ATP9A: variants seen among roughly 807,000 people sequenced by gnomAD.
The protein encoded by ATP9A is ATPase phospholipid transporting 9A.
A neutral mutation model predicts 144.1 loss-of-function variants in ATP9A; 52 were observed. That is an observed-to-expected ratio of 0.36 (90% CI 0.29 to 0.45). The LOEUF (loss-of-function observed/expected upper bound fraction) is 0.45. Ranked by LOEUF, ATP9A falls within the 20% of genes least tolerant of loss-of-function variation. The pLI is 1.00. For missense variants in ATP9A, 947 were observed against 1,392.7 expected (o/e 0.68, Z 5.09); for synonymous variants, 582 against 557.4 (o/e 1.04, Z -0.62).
intron 15 of ATP9A, 142 bp downstream of exon 15, chr20:51,639,201 T>TG: frequency 1.1e-6 from 1 of 940,174 alleles, no homozygotes; most frequent in South Asian, 1.9e-5. Context: ...ATTTCCTTTC[T>TG]GCTTAGGGAA....
intron 14 of ATP9A, 27 bp downstream of exon 14, chr20:51,656,911 T>C (rs769556445): frequency 1.2e-6 from 2 of 1,601,204 alleles, no homozygotes; most frequent in Non-Finnish European, 8.5e-7. Context: ...GGCCTCCCCA[T>C]GCCTTGCTGC....
chr20:51,608,922 C>CGTGTGTGTGTGTGT (rs1214031645), intron 24 of ATP9A, among the ~76,000 whole-genome samples: 23,187 of 142,580 alleles, frequency 0.16, 2,103 homozygotes, highest in Middle Eastern at 0.2. Flanking sequence ...GGAAATAAGA[C>CGTGTGTGTGTGTGT]GTGTGTGTGT....
intron 2 of ATP9A, among the ~76,000 whole-genome samples, chr20:51,727,292 C>T (rs1165056197): frequency 1.3e-5 from 2 of 150,468 alleles, no homozygotes; most frequent in Admixed American, 6.6e-5. Flanking sequence ...AAAAAAGTTA[C>T]GTCCACAGCA....
chr20:51,698,310 G>A (rs552299897), intron 4 of ATP9A, among the ~76,000 whole-genome samples: 77 of 152,322 alleles, frequency 5.1e-4, no homozygotes, highest in African/African-American at 1.8e-3. Flanking sequence ...GATGGCTTGA[G>A]CCCAGGAGTT....
chr20:51,742,991 C>T (rs1411619741), intron 1 of ATP9A, among the ~76,000 whole-genome samples: 1 of 152,216 alleles, frequency 6.6e-6, no homozygotes, highest in Non-Finnish European at 1.5e-5. Flanking sequence ...CACCCAGAAC[C>T]ATTGCCTGCC....
At chr20:51,638,882 A>T (rs1292653155) in intron 15 of ATP9A, among the ~76,000 whole-genome samples, 1 of 152,128 alleles carries the variant, frequency 6.6e-6, no homozygotes, top group African/African-American at 2.4e-5. Flanking sequence ...AGACTGGCAA[A>T]ATTTTTTAAC....
intron 14 of ATP9A, among the ~76,000 whole-genome samples, chr20:51,645,174 G>C (rs550546831): frequency 6.6e-6 from 1 of 152,170 alleles, no homozygotes; most frequent in East Asian, 1.9e-4. Context: ...AGGAGCCTAC[G>C]ACAGCTATAT....
intron 13 of ATP9A, 145 bp from the exon 14 acceptor site, chr20:51,657,295 T>C: frequency 1.7e-6 from 1 of 597,102 alleles, no homozygotes; most frequent in Non-Finnish European, 2.8e-6. Flanking sequence ...ATGCTGCAAA[T>C]AAATGACATG....
intron 7 of ATP9A, 23 bp from the exon 8 acceptor site, chr20:51,690,842 G>A (rs769454493): frequency 3.0e-5 from 48 of 1,604,476 alleles, no homozygotes; most frequent in South Asian, 1.8e-4. Flanking sequence ...AGGCACATTC[G>A]GGAGTCAAAG....
At chr20:51,612,663 G>A (rs984534799) in intron 23 of ATP9A, among the ~76,000 whole-genome samples, 1 of 152,160 alleles carries the variant, frequency 6.6e-6, no homozygotes, top group Non-Finnish European at 1.5e-5. Context: ...GGCCTGAGGC[G>A]ATCTGCCCAC....
chr20:51,642,474 T>A (rs1019189567), intron 14 of ATP9A, among the ~76,000 whole-genome samples: 2 of 152,084 alleles, frequency 1.3e-5, no homozygotes, highest in Non-Finnish European at 2.9e-5. Flanking sequence ...TGTTTTAAAA[T>A]GAAACAAATA....
intron 15 of ATP9A, 67 bp from the exon 16 acceptor site, chr20:51,629,139 T>C (rs556698992): frequency 7.7e-7 from 1 of 1,298,904 alleles, no homozygotes; most frequent in African/African-American, 1.5e-5. Flanking sequence ...CAAAGCCCGC[T>C]TCCCATGACA....
At chr20:51,616,773 A>C (rs1282299661) in intron 22 of ATP9A, among the ~76,000 whole-genome samples, 3 of 152,138 alleles carry the variant, frequency 2.0e-5, no homozygotes, top group Non-Finnish European at 4.4e-5. Flanking sequence ...CCAACTTTTA[A>C]AAATTATACC....
At chr20:51,739,653 T>A (rs2077776904) in intron 1 of ATP9A, among the ~76,000 whole-genome samples, 1 of 152,104 alleles carries the variant, frequency 6.6e-6, no homozygotes, top group South Asian at 2.1e-4. Context: ...TTCCCAGGGG[T>A]TTAGCTGAGC....
At position 51,610,151 on chromosome 20, in the gene ATP9A, G is replaced by T. The variant is rs571897124; in HGVS notation, c.2586C>A (p.Ser862=). The T allele has an allele frequency of 4.3e-6, 7 of 1,610,030 alleles. No individual in the cohort carries two copies. In the South Asian group the frequency reaches 7.7e-5, roughly 18 times the overall value. The change falls in exon 24 of 28, where the codon TCC becomes TCA. Residue 862 remains serine, a synonymous_variant. Coordinates refer to ENST00000338821, the MANE Select transcript of ATP9A (RefSeq NM_006045.3). ...GAGGGACGGAGGCAAAGTAAAACAC[G>T]GAGGAAAAGACAGCCTGTGCCAAGG... ...CISTMQAVFS[S]VFYFASVPLY... is the part of the protein sequence containing the mutation.
At chr20:51,674,700 A>C (rs1479594286) in intron 10 of ATP9A, among the ~76,000 whole-genome samples, 1 of 152,180 alleles carries the variant, frequency 6.6e-6, no homozygotes, top group African/African-American at 2.4e-5. Flanking sequence ...TTGGCCTTGT[A>C]AAACAACTCA....
At chr20:51,690,651 G>T in intron 8 of ATP9A, 88 bp downstream of exon 8, 1 of 1,159,586 alleles carries the variant, frequency 8.6e-7, no homozygotes. Context: ...ACAACTTCCT[G>T]ACAAAGAACT....
chr20:51,626,786 G>A (rs1428098823), intron 17 of ATP9A, among the ~76,000 whole-genome samples: 1 of 152,156 alleles, frequency 6.6e-6, no homozygotes, highest in African/African-American at 2.4e-5. Context: ...GCCAGGCACA[G>A]TGGCTCACAC....
At chr20:51,649,355 C>A (rs371324171) in intron 14 of ATP9A, among the ~76,000 whole-genome samples, 2 of 152,160 alleles carry the variant, frequency 1.3e-5, no homozygotes, top group South Asian at 4.1e-4. Context: ...TTTAATCGTG[C>A]CAGCTATGCG....
Sources: gnomAD v4.1 joint callset for allele counts (sites outside exome capture counted in the v4.1 genomes callset) on GRCh38, gnomAD v4.1.1 for gene constraint, MANE v1.5 for transcripts, NCBI Gene and HGNC (gene_info 2026-07-23, HGNC 2026-07-21) for gene names.